FHIT: variants seen among roughly 807,000 people sequenced by gnomAD.
FHIT encodes the protein bis(5'-adenosyl)-triphosphatase.
Under a neutral mutation model 17.9 loss-of-function variants are expected in FHIT, and 19 were observed. That is an observed-to-expected ratio of 1.06 (90% CI 0.74 to 1.56). The LOEUF (loss-of-function observed/expected upper bound fraction) is 1.56, where lower values mean the gene tolerates loss of function less well. FHIT is among the 40% of genes most tolerant of loss of function. FHIT has a pLI of 0.00. For synonymous variants in FHIT, 81 were observed against 69.7 expected (o/e 1.16, Z -0.81); for missense variants, 248 against 189.2 (o/e 1.31, Z -1.82).
intron 3 of FHIT, among the ~76,000 whole-genome samples, chr3:61,001,385 T>C (rs2031072708): frequency 6.6e-6 from 1 of 152,198 alleles, no homozygotes; most frequent in African/African-American, 2.4e-5. Context: ...TTATTTGTAA[T>C]ACCCAAGAAA....
At chr3:60,890,221 T>TAAAAAAA (rs59950717) in intron 3 of FHIT, among the ~76,000 whole-genome samples, 3 of 115,658 alleles carry the variant, frequency 2.6e-5, no homozygotes, top group Non-Finnish European at 5.1e-5. Context: ...TTCCATGATG[T>TAAAAAAA]AAAAAAAAAA....
intron 8 of FHIT, among the ~76,000 whole-genome samples, chr3:59,793,810 T>C (rs1699667129): frequency 6.6e-6 from 1 of 152,166 alleles, no homozygotes; most frequent in African/African-American, 2.4e-5. Context: ...TGATGGGAGT[T>C]TGGCTTTGGA....
At chr3:60,816,083 T>A (rs1553737592) in intron 4 of FHIT, among the ~76,000 whole-genome samples, 1 of 152,148 alleles carries the variant, frequency 6.6e-6, no homozygotes, top group Non-Finnish European at 1.5e-5. Context: ...TTTCTGTACA[T>A]TGATTTAATG....
intron 5 of FHIT, among the ~76,000 whole-genome samples, chr3:60,375,014 G>C (rs6807084): frequency 6.6e-6 from 1 of 151,698 alleles, no homozygotes; most frequent in South Asian, 2.1e-4. Context: ...GAGACTCTAA[G>C]GGTAGCAGTG....
chr3:60,006,675 T>C (rs993883690), intron 7 of FHIT, among the ~76,000 whole-genome samples: 13 of 151,236 alleles, frequency 8.6e-5, no homozygotes, highest in Admixed American at 5.3e-4. Context: ...AACAAGGAAA[T>C]TGATGTTCAG....
At chr3:59,919,542 C>A (rs781550917) in intron 8 of FHIT, among the ~76,000 whole-genome samples, 1 of 152,202 alleles carries the variant, frequency 6.6e-6, no homozygotes, top group African/African-American at 2.4e-5. Context: ...TGTTTTCAGA[C>A]CCAACCACCT....
intron 5 of FHIT, among the ~76,000 whole-genome samples, chr3:60,018,116 G>C (rs984106259): frequency 6.6e-6 from 1 of 152,216 alleles, no homozygotes; most frequent in East Asian, 1.9e-4. Context: ...ATTTGGTGGA[G>C]GCCTCAAGAT....
intron 5 of FHIT, among the ~76,000 whole-genome samples, chr3:60,155,844 C>A (rs1214842877): frequency 6.6e-6 from 1 of 152,166 alleles, no homozygotes; most frequent in Non-Finnish European, 1.5e-5. Flanking sequence ...TCCACCTCAA[C>A]CGTCACCCAA....
chr3:59,813,708 G>A (rs994858708), intron 8 of FHIT, among the ~76,000 whole-genome samples: 1 of 152,136 alleles, frequency 6.6e-6, no homozygotes, highest in Non-Finnish European at 1.5e-5. Context: ...GGGGTGAGGG[G>A]AAGCTTGTCT....
chr3:60,042,030 C>T (rs988542061), intron 5 of FHIT, among the ~76,000 whole-genome samples: 3 of 152,082 alleles, frequency 2.0e-5, no homozygotes, highest in South Asian at 2.1e-4. Context: ...CAATCATGGC[C>T]GCCTTTCCAC....
chr3:60,228,071 G>A (rs1275242130), intron 5 of FHIT, among the ~76,000 whole-genome samples: 1 of 152,062 alleles, frequency 6.6e-6, no homozygotes, highest in Non-Finnish European at 1.5e-5. Flanking sequence ...AAAAACAGAT[G>A]ACCCTATCAC....
At chr3:60,089,799 G>A (rs541228438) in intron 5 of FHIT, among the ~76,000 whole-genome samples, 46 of 152,246 alleles carry the variant, frequency 3.0e-4, no homozygotes, top group African/African-American at 1.1e-3. Flanking sequence ...CTCCTTCGGA[G>A]GAAACAAGTG....
At chr3:60,339,345 C>T (rs1305275530) in intron 5 of FHIT, among the ~76,000 whole-genome samples, 1 of 152,078 alleles carries the variant, frequency 6.6e-6, no homozygotes, top group East Asian at 1.9e-4. Flanking sequence ...TATCTGAATC[C>T]ATATCTGAAA....
chr3:60,206,719 G>A (rs762074542), intron 5 of FHIT, among the ~76,000 whole-genome samples: 12 of 152,064 alleles, frequency 7.9e-5, no homozygotes, highest in South Asian at 4.1e-4. Context: ...ATGCCAACTC[G>A]GTAAGCATTT....
intron 1 of FHIT, among the ~76,000 whole-genome samples, chr3:61,232,621 T>G (rs79569013): frequency 0.11 from 17,138 of 152,210 alleles, 1,193 homozygotes; most frequent in South Asian, 0.21. Flanking sequence ...ATTCTCTCCC[T>G]TCTTAGAAGA....
intron 5 of FHIT, among the ~76,000 whole-genome samples, chr3:60,384,547 A>G (rs1055805222): frequency 6.6e-6 from 1 of 152,188 alleles, no homozygotes; most frequent in African/African-American, 2.4e-5. Flanking sequence ...AACCCCTGAT[A>G]GTTTATTAGT....
intron 8 of FHIT, among the ~76,000 whole-genome samples, chr3:59,755,918 T>C (rs1388227799): frequency 6.6e-6 from 1 of 152,190 alleles, no homozygotes; most frequent in African/African-American, 2.4e-5. Flanking sequence ...TAGTTAGGTC[T>C]GAGCTTGAAC....
rs139684970 is a variant in FHIT at position 60,560,844 on chromosome 3, C to CACACAGAG, written c.-17-23866_-17-23865insCTCTGTGT. ...ACACACACACACACACACACACACA[C>CACACAGAG]AGAGAGAGAGAGAGTGTGTGTGTGT... On this transcript the variant is annotated intron_variant, in intron 4 of 9. Coordinates refer to ENST00000492590, the MANE Select transcript of FHIT (RefSeq NM_002012.4). 7.8e-4 allele frequency among the ~76,000 whole-genome samples: 95 copies of CACACAGAG among 122,348 alleles called. No individual in the cohort carries two copies. In the East Asian group the frequency reaches 0.012, roughly 15 times the overall value. The allele number at this position is 122,348 out of a possible 152,430, so 80.3% of individuals were successfully genotyped here.
chr3:60,667,419 A>T (rs758582677), intron 4 of FHIT, among the ~76,000 whole-genome samples: 1 of 151,910 alleles, frequency 6.6e-6, no homozygotes, highest in Non-Finnish European at 1.5e-5. Flanking sequence ...ACTATCCAGC[A>T]CTATTTTTAT....
Sources: gnomAD v4.1 joint callset for allele counts (sites outside exome capture counted in the v4.1 genomes callset) on GRCh38, gnomAD v4.1.1 for gene constraint, MANE v1.5 for transcripts, NCBI Gene and HGNC (gene_info 2026-07-23, HGNC 2026-07-21) for gene names.